The following SOX5 variants were observed in gnomAD, a reference collection of about 807,000 sequenced individuals.
The protein encoded by SOX5 is SRY-box transcription factor 5, also known as transcription factor SOX-5.
A neutral mutation model predicts 92.0 loss-of-function variants in SOX5; 9 were observed. The observed-to-expected ratio is 0.10, with a 90% CI of 0.06 to 0.17. SOX5 has a LOEUF of 0.17. SOX5 is among the 10% of genes least tolerant of loss of function. The pLI, the probability that SOX5 is intolerant of heterozygous loss-of-function variation, is 1.00. For synonymous variants in SOX5, 344 were observed against 336.3 expected, an observed-to-expected ratio of 1.02 and a Z score of -0.25; for missense variants, 642 against 944.5, an observed-to-expected ratio of 0.68 and a Z score of 4.20.
chr12:24,182,902 T>A (rs1333196254), intron 4 of SOX5, among the ~76,000 whole-genome samples: 1 of 152,120 alleles, frequency 6.6e-6, no homozygotes, highest in African/African-American at 2.4e-5. Context: ...TTACTAGATA[T>A]GGGGTTTCAT....
chr12:24,024,836 G>A (rs1018270488), intron 4 of SOX5, among the ~76,000 whole-genome samples: 1 of 151,906 alleles, frequency 6.6e-6, no homozygotes, highest in Admixed American at 6.6e-5. Flanking sequence ...TAAAGCTTGA[G>A]TATAAGCACT....
intron 1 of SOX5, among the ~76,000 whole-genome samples, chr12:24,536,570 T>TCA (rs1951661822): frequency 3.3e-5 from 5 of 152,184 alleles, no homozygotes. Context: ...TCATACAGTT[T>TCA]AGATAGTAAA....
At chr12:23,752,448 C>A (rs1463114056) in intron 4 of SOX5, among the ~76,000 whole-genome samples, 1 of 151,758 alleles carries the variant, frequency 6.6e-6, no homozygotes, top group Non-Finnish European at 1.5e-5. Context: ...CAGCAAAATA[C>A]AAATTTTGCA....
chr12:23,604,324 A>T (rs1181888798), intron 9 of SOX5, 63 bp downstream of exon 9: 1 of 1,569,240 alleles, frequency 6.4e-7, no homozygotes, highest in South Asian at 1.1e-5. Context: ...TAGACATTTA[A>T]TAAATACCAT....
At chr12:24,463,452 T>C (rs1943872094) in intron 1 of SOX5, among the ~76,000 whole-genome samples, 1 of 152,236 alleles carries the variant, frequency 6.6e-6, no homozygotes, top group Non-Finnish European at 1.5e-5. Flanking sequence ...AGTTACTATG[T>C]TGTATTTACT....
At chr12:24,023,524 TAG>T (rs1390401395) in intron 4 of SOX5, among the ~76,000 whole-genome samples, 7 of 152,146 alleles carry the variant, frequency 4.6e-5, no homozygotes, top group African/African-American at 1.7e-4. Flanking sequence ...CTCTTTTAGA[TAG>T]TTTGTAAACA....
chr12:23,847,113 G>A (rs966488461), intron 2 of SOX5, among the ~76,000 whole-genome samples: 1 of 151,978 alleles, frequency 6.6e-6, no homozygotes, highest in Non-Finnish European at 1.5e-5. Context: ...TTATCAGGAG[G>A]AGTGATAATG....
chr12:23,794,744 A>T (rs923488905), intron 3 of SOX5, among the ~76,000 whole-genome samples: 1 of 152,260 alleles, frequency 6.6e-6, no homozygotes, highest in Middle Eastern at 3.4e-3. Context: ...ACATATGTTC[A>T]TATATTCTGC....
chr12:24,263,969 A>G (rs17413604), intron 3 of SOX5, among the ~76,000 whole-genome samples: 22,634 of 152,242 alleles, frequency 0.15, 2,021 homozygotes, highest in South Asian at 0.23. Flanking sequence ...AAATGATGTT[A>G]TTCCAAAAAC....
intron 1 of SOX5, among the ~76,000 whole-genome samples, chr12:24,547,997 A>G (rs147313591): frequency 7.4e-4 from 112 of 152,368 alleles, no homozygotes; most frequent in African/African-American, 2.5e-3. Flanking sequence ...TTATAACCAT[A>G]AACTGCTATT....
intron 6 of SOX5, among the ~76,000 whole-genome samples, chr12:23,709,277 AT>A (rs1391248738): frequency 1.3e-5 from 2 of 151,752 alleles, no homozygotes; most frequent in Admixed American, 6.6e-5. Flanking sequence ...AATATTTTTA[AT>A]TTTTTTGTGG....
chr12:24,048,756 A>G (rs1388839765), intron 4 of SOX5, among the ~76,000 whole-genome samples: 1 of 152,226 alleles, frequency 6.6e-6, no homozygotes, highest in African/African-American at 2.4e-5. Context: ...GAAATCAGTC[A>G]CAAAATATCA....
At chr12:24,381,138 C>G (rs1435133996) in intron 1 of SOX5, among the ~76,000 whole-genome samples, 1 of 152,154 alleles carries the variant, frequency 6.6e-6, no homozygotes, top group East Asian at 1.9e-4. Flanking sequence ...CTGGCCATGA[C>G]AAATGCCCAA....
intron 1 of SOX5, among the ~76,000 whole-genome samples, chr12:23,908,026 T>C (rs1216436572): frequency 6.6e-6 from 1 of 152,154 alleles, no homozygotes; most frequent in African/African-American, 2.4e-5. Flanking sequence ...CCCTCCCATC[T>C]CACATTACTG....
At chr12:23,628,086 T>C (rs1458074917) in intron 8 of SOX5, among the ~76,000 whole-genome samples, 1 of 152,116 alleles carries the variant, frequency 6.6e-6, no homozygotes, top group Non-Finnish European at 1.5e-5. Context: ...ATAAAGAATG[T>C]GTAAGGGCGT....
At chr12:24,341,011 C>A (rs1595748414) in intron 2 of SOX5, among the ~76,000 whole-genome samples, 2 of 152,168 alleles carry the variant, frequency 1.3e-5, no homozygotes, top group Admixed American at 1.3e-4. Context: ...ATACCAATTT[C>A]TTGCATTTTT....
intron 6 of SOX5, among the ~76,000 whole-genome samples, chr12:23,718,103 T>C (rs559512183): frequency 1.5e-4 from 23 of 152,244 alleles, no homozygotes; most frequent in South Asian, 4.1e-4. Context: ...CAAAGGAGTA[T>C]ATTTTTTAAA....
chr12:23,813,163 T>C (rs889603135), intron 3 of SOX5, among the ~76,000 whole-genome samples: 1 of 152,232 alleles, frequency 6.6e-6, no homozygotes, highest in African/African-American at 2.4e-5. Flanking sequence ...TGCCTAATGA[T>C]AGATTCTTCA....
At chr12:23,634,853 A>G (rs1166683033) in intron 8 of SOX5, among the ~76,000 whole-genome samples, 2 of 152,220 alleles carry the variant, frequency 1.3e-5, no homozygotes, top group African/African-American at 4.8e-5. Context: ...CTTAATTTCA[A>G]TATTATAAAG....
Sources: gnomAD v4.1 joint callset for allele counts (sites outside exome capture counted in the v4.1 genomes callset) on GRCh38, gnomAD v4.1.1 for gene constraint, MANE v1.5 for transcripts, NCBI Gene and HGNC (gene_info 2026-07-23, HGNC 2026-07-21) for gene names.